Variants in HMCN1 observed in about 807,000 individuals in gnomAD.
The protein encoded by HMCN1 is hemicentin 1.
Under a neutral mutation model 625.9 loss-of-function variants are expected in HMCN1, and 321 were observed. The observed-to-expected ratio is 0.51, with a 90% CI of 0.47 to 0.56. The LOEUF (loss-of-function observed/expected upper bound fraction) is 0.56, where lower values mean the gene tolerates loss of function less well. HMCN1 is among the 20% of genes least tolerant of loss of function. The probability of loss-of-function intolerance (pLI) is 0.00; values close to 1 mark genes in which losing one functional copy is unlikely to be tolerated. For missense variants in HMCN1, 6,588 were observed against 6,887.3 expected, an observed-to-expected ratio of 0.96 and a Z score of 1.54; for synonymous variants, 2,425 against 2,417.6, an observed-to-expected ratio of 1.00 and a Z score of -0.09.
At chr1:185,786,477 C>A (rs1407428) in intron 1 of HMCN1, among the ~76,000 whole-genome samples, 13,708 of 152,138 alleles carry the variant, frequency 0.09, 1,987 homozygotes, top group African/African-American at 0.31. Flanking sequence ...GCTTTGGATT[C>A]AAATTGGCAT....
intron 15 of HMCN1, among the ~76,000 whole-genome samples, chr1:185,971,886 G>A (rs905159666): frequency 2.6e-5 from 4 of 152,098 alleles, no homozygotes; most frequent in Non-Finnish European, 4.4e-5. Context: ...ACTGTAACAC[G>A]TGTTTGAACC....
At chr1:186,172,269 T>A (rs1652281196) in intron 102 of HMCN1, 138 bp downstream of exon 102, 4 of 1,191,308 alleles carry the variant, frequency 3.4e-6, no homozygotes, top group Non-Finnish European at 4.9e-6. Flanking sequence ...ACTCCCAACT[T>A]CTAGGATAAT....
intron 11 of HMCN1, among the ~76,000 whole-genome samples, chr1:185,941,547 G>GA (rs1286091436): frequency 1.3e-5 from 2 of 152,270 alleles, no homozygotes; most frequent in East Asian, 3.9e-4. Context: ...TGAGGTCTAT[G>GA]AAAAGGAATA....
rs1169450857 is a variant in HMCN1 at position 186,189,927 on chromosome 1, C to A, written c.*49C>A. Reference sequence around the variant, plus strand: ...CATATTTAAACCGCATTAATCATGGCAATCAAGCCCCCTTCCAGATTACTG... The same window carrying A: ...CATATTTAAACCGCATTAATCATGGAAATCAAGCCCCCTTCCAGATTACTG... On this transcript the variant is annotated 3_prime_UTR_variant, in exon 107 of 107. Transcript: ENST00000271588. 2 of 1,599,320 alleles carry A rather than the reference C, an allele frequency of 1.3e-6. No individual in the cohort carries two copies. Among genetic ancestry groups the A allele is most frequent in the South Asian group, 2.2e-5 (2 of 90,712 alleles).
chr1:185,987,025 T>C (rs1652043318), intron 19 of HMCN1, among the ~76,000 whole-genome samples: 1 of 151,962 alleles, frequency 6.6e-6, no homozygotes, highest in Non-Finnish European at 1.5e-5. Context: ...CATTTCTCTG[T>C]ATGTAGGCTT....
chr1:186,108,707 A>G (rs1011954655), intron 71 of HMCN1, 110 bp downstream of exon 71: 1 of 1,196,684 alleles, frequency 8.4e-7, no homozygotes, highest in South Asian at 1.3e-5. Context: ...CAGGCTACTA[A>G]TTATTCAACA....
intron 100 of HMCN1, among the ~76,000 whole-genome samples, chr1:186,168,724 T>C (rs147192615): frequency 1.2e-4 from 19 of 152,216 alleles, no homozygotes; most frequent in Non-Finnish European, 2.2e-4. Flanking sequence ...ATTTTGATTA[T>C]ATCTACAGGT....
At chr1:185,826,299 C>T (rs904185216) in intron 1 of HMCN1, among the ~76,000 whole-genome samples, 1 of 152,118 alleles carries the variant, frequency 6.6e-6, no homozygotes, top group Non-Finnish European at 1.5e-5. Flanking sequence ...ACCTCATCTT[C>T]GCAGAAATTA....
rs777379616 is a variant in HMCN1, at chr1:186,120,085, A to G, written c.12169A>G (p.Met4057Val). ...RAVREDAGTY[M>V]CVAQNPAGTA... ...TGTCCGAGAGGATGCTGGCACTTAC[A>G]TGTGTGTGGCCCAGAACCCGGCTGG... The change falls in exon 80 of 107, where the codon ATG becomes GTG. Residue 4057 changes from methionine (M) to valine (V), a missense_variant. By Grantham distance (21) the Met-to-Val change is conservative. Transcript: ENST00000271588. 2.5e-5 allele frequency: 40 copies of G among 1,613,882 alleles called. No homozygotes were observed. The highest frequency in any genetic ancestry group is 1.1e-4 in the South Asian group (10 of 91,084).
intron 82 of HMCN1, 67 bp downstream of exon 82, chr1:186,125,861 AT>A: frequency 8.4e-7 from 1 of 1,196,850 alleles, no homozygotes; most frequent in Non-Finnish European, 1.2e-6. Context: ...ACTTTTAGTA[AT>A]TTAGCATGGA....
At position 186,114,478 on chromosome 1, in the gene HMCN1, C is replaced by T. The variant is rs180807282; in HGVS notation, c.11277-341C>T. On this transcript the variant is annotated intron_variant, in intron 73 of 106. Transcript: ENST00000271588. Reference sequence around the variant, plus strand: ...TTCACCAGGTTGGCCAGGCTGGTCTCGAACTCCTGACCTCAGGTGATCCGC... The same window carrying T: ...TTCACCAGGTTGGCCAGGCTGGTCTTGAACTCCTGACCTCAGGTGATCCGC... 2.1e-3 allele frequency among the ~76,000 whole-genome samples: 319 copies of T among 152,186 alleles called. 11 individuals carry two copies. The South Asian group carries it at 0.042, about 20-fold the overall frequency.
At chr1:185,988,779 T>G (rs772831220) in intron 20 of HMCN1, among the ~76,000 whole-genome samples, 3 of 152,138 alleles carry the variant, frequency 2.0e-5, no homozygotes, top group Non-Finnish European at 4.4e-5. Context: ...TACTCCCCTC[T>G]CCCATGCTTT....
At chr1:186,156,065 T>C (rs957168171) in intron 97 of HMCN1, among the ~76,000 whole-genome samples, 1 of 152,194 alleles carries the variant, frequency 6.6e-6, no homozygotes, top group Non-Finnish European at 1.5e-5. Context: ...TCGAGAAAAC[T>C]CACTAACATA....
chr1:185,806,013 G>T (rs981599572), intron 1 of HMCN1, among the ~76,000 whole-genome samples: 2 of 151,928 alleles, frequency 1.3e-5, no homozygotes, highest in African/African-American at 2.4e-5. Context: ...AGTCATTCTA[G>T]CTTAAGAAAT....
At chr1:186,071,914 C>T (rs1030928652) in intron 52 of HMCN1, among the ~76,000 whole-genome samples, 7 of 152,020 alleles carry the variant, frequency 4.6e-5, no homozygotes. Context: ...TTATAGTTAC[C>T]ACATATGCTC....
chr1:185,775,023 T>A (rs1656498882), intron 1 of HMCN1, among the ~76,000 whole-genome samples: 1 of 149,178 alleles, frequency 6.7e-6, no homozygotes, highest in African/African-American at 2.6e-5. Flanking sequence ...CATTTTGAAA[T>A]AGAAATGAAA....
At chr1:186,169,756 A>G (rs1052311494) in intron 100 of HMCN1, among the ~76,000 whole-genome samples, 2 of 152,230 alleles carry the variant, frequency 1.3e-5, no homozygotes, top group Non-Finnish European at 2.9e-5. Context: ...AATACCATTC[A>G]GGACACAGGC....
intron 36 of HMCN1, among the ~76,000 whole-genome samples, chr1:186,034,638 T>C (rs1410683124): frequency 6.6e-6 from 1 of 152,174 alleles, no homozygotes; most frequent in African/African-American, 2.4e-5. Flanking sequence ...CTTTTTTCAC[T>C]GTGATTATTG....
intron 36 of HMCN1, among the ~76,000 whole-genome samples, chr1:186,032,782 G>A (rs2102204296): frequency 6.6e-6 from 1 of 151,884 alleles, no homozygotes; most frequent in South Asian, 2.1e-4. Flanking sequence ...TGGTGTGGAT[G>A]TGCTGAAAGG....
Sources: gnomAD v4.1 joint callset for allele counts (sites outside exome capture counted in the v4.1 genomes callset) on GRCh38, gnomAD v4.1.1 for gene constraint, MANE v1.5 for transcripts, NCBI Gene and HGNC (gene_info 2026-07-23, HGNC 2026-07-21) for gene names.